Variants in IMPG1 observed in about 807,000 individuals in gnomAD.
IMPG1 encodes interphotoreceptor matrix proteoglycan 1.
In IMPG1, 85 loss-of-function variants were observed where a neutral mutation model predicts 92.0. The ratio of observed to expected loss-of-function variants is 0.92; its 90% confidence interval spans 0.78 to 1.11. The LOEUF (loss-of-function observed/expected upper bound fraction) is 1.11, where lower values mean the gene tolerates loss of function less well. IMPG1 is among the 50% of genes least tolerant of loss of function. The pLI is 0.00. For synonymous variants in IMPG1, 367 were observed against 334.1 expected (o/e 1.10, Z -1.08); for missense variants, 1,022 against 956.0 (o/e 1.07, Z -0.91).
At chr6:76,018,989 C>A (rs1783366613) in intron 6 of IMPG1, 131 bp from the exon 7 acceptor site, 1 of 806,034 alleles carries the variant, frequency 1.2e-6, no homozygotes, top group Non-Finnish European at 1.8e-6. Flanking sequence ...AATCAAAATC[C>A]TTTTAACTAG....
chr6:76,005,981 G>A (rs952590475), intron 9 of IMPG1, among the ~76,000 whole-genome samples: 2 of 152,036 alleles, frequency 1.3e-5, no homozygotes, highest in Non-Finnish European at 2.9e-5. Flanking sequence ...GGGAACACAG[G>A]AAGGAAGTGG....
chr6:76,047,103 C>T (rs1391516235), intron 1 of IMPG1, among the ~76,000 whole-genome samples: 2 of 152,168 alleles, frequency 1.3e-5, no homozygotes, highest in African/African-American at 2.4e-5. Flanking sequence ...TAGCTTAGCT[C>T]TTATTCCCAC....
intron 14 of IMPG1, among the ~76,000 whole-genome samples, chr6:75,939,861 A>G (rs1270106463): frequency 6.6e-6 from 1 of 152,194 alleles, no homozygotes; most frequent in African/African-American, 2.4e-5. Flanking sequence ...GTAAGACAAG[A>G]GGTAGACAGC....
At chr6:75,926,043 G>A (rs143870701) in intron 15 of IMPG1, among the ~76,000 whole-genome samples, 37 of 152,194 alleles carry the variant, frequency 2.4e-4, no homozygotes, top group African/African-American at 7.7e-4. Flanking sequence ...CAGCATTTTC[G>A]GTTCCTATTT....
Position 75,999,919 on chromosome 6 carries a change from C to T in IMPG1, c.1291+2999G>A, listed in dbSNP as rs73466847. 8.6e-3 allele frequency among the ~76,000 whole-genome samples: 1,316 copies of T among 152,350 alleles called. 25 individuals carry two copies. Among genetic ancestry groups the T allele is most frequent in the African/African-American group, 0.03 (1,248 of 41,584 alleles). ...CAGCACCTAGCCCCTCCTGGAACTT[C>T]TGTAATGAACTTGGCTTTGGCATTC... On this transcript the variant is annotated intron_variant, in intron 12 of 16. Coordinates refer to ENST00000369950, the MANE Select transcript of IMPG1 (RefSeq NM_001563.4).
chr6:75,960,321 C>T (rs1160534532), intron 12 of IMPG1, among the ~76,000 whole-genome samples: 1 of 152,178 alleles, frequency 6.6e-6, no homozygotes, highest in Non-Finnish European at 1.5e-5. Flanking sequence ...ATTCGGCCAT[C>T]TTGCCAGCCG....
intron 1 of IMPG1, among the ~76,000 whole-genome samples, chr6:76,043,720 T>A (rs796468932): frequency 1.8e-4 from 28 of 152,282 alleles, no homozygotes; most frequent in African/African-American, 6.7e-4. Flanking sequence ...GATGGGTGCA[T>A]CTCAAACTGG....
At chr6:76,029,283 G>T (rs1399054819) in intron 4 of IMPG1, among the ~76,000 whole-genome samples, 1 of 152,224 alleles carries the variant, frequency 6.6e-6, no homozygotes, top group Admixed American at 6.5e-5. Context: ...GCATTAAAAG[G>T]TCTCACCTGA....
chr6:76,045,643 A>G (rs552256340), intron 1 of IMPG1, among the ~76,000 whole-genome samples: 11 of 152,234 alleles, frequency 7.2e-5, no homozygotes, highest in East Asian at 1.9e-4. Context: ...CTTGAGTCCA[A>G]GGATGACAGG....
At chr6:75,983,168 T>C (rs1466722352) in intron 12 of IMPG1, among the ~76,000 whole-genome samples, 1 of 151,482 alleles carries the variant, frequency 6.6e-6, no homozygotes, top group Admixed American at 6.6e-5. Flanking sequence ...AGGAGATATA[T>C]CCCTGGTGCA....
At chr6:75,957,589 C>T (rs1307904181) in intron 12 of IMPG1, among the ~76,000 whole-genome samples, 2 of 152,138 alleles carry the variant, frequency 1.3e-5, no homozygotes, top group Non-Finnish European at 2.9e-5. Flanking sequence ...TCTGGTTGCT[C>T]CTATGTTGGG....
Position 76,018,942 on chromosome 6 carries a change from T to C in IMPG1, c.667-84A>G, listed in dbSNP as rs911884662. 8 of 1,255,894 alleles carry C rather than the reference T, an allele frequency of 6.4e-6. No individual in the cohort carries two copies. The African/African-American group carries it at 9.2e-5, about 14-fold the overall frequency. 77.8% of individuals were successfully genotyped at this position (1,255,894 alleles called of 1,614,324 possible). ...TTTTAGATAATATATGTTGATACTGTCTCAAGAAGTGGATTATGAAGGCTT... is the reference window on the plus strand; with the variant it reads ...TTTTAGATAATATATGTTGATACTGCCTCAAGAAGTGGATTATGAAGGCTT... On this transcript the variant is annotated intron_variant, in intron 6 of 16. Transcript: ENST00000369950.
At chr6:76,005,014 T>C (rs1442590962) in intron 10 of IMPG1, among the ~76,000 whole-genome samples, 3 of 152,174 alleles carry the variant, frequency 2.0e-5, no homozygotes, top group African/African-American at 4.8e-5. Context: ...TGGGTTCTTT[T>C]CTCTGCCTTC....
intron 13 of IMPG1, 105 bp downstream of exon 13, chr6:75,950,457 T>C: frequency 1.9e-6 from 2 of 1,058,470 alleles, no homozygotes; most frequent in Non-Finnish European, 2.7e-6. Flanking sequence ...TGGCGGTTTG[T>C]TTCTACTAAC....
intron 5 of IMPG1, among the ~76,000 whole-genome samples, chr6:76,023,510 T>C (rs1369546803): frequency 6.6e-6 from 1 of 152,222 alleles, no homozygotes; most frequent in Admixed American, 6.5e-5. Flanking sequence ...GGGTTTGTCT[T>C]CGAGCACATT....
chr6:75,977,813 T>C (rs1318480661), intron 12 of IMPG1, among the ~76,000 whole-genome samples: 4 of 151,192 alleles, frequency 2.6e-5, no homozygotes, highest in Admixed American at 6.6e-5. Context: ...AGTGACTTCA[T>C]GGTACACTCA....
chr6:75,973,795 G>A (rs971977870), intron 12 of IMPG1, among the ~76,000 whole-genome samples: 11 of 152,168 alleles, frequency 7.2e-5, no homozygotes, highest in Admixed American at 5.2e-4. Flanking sequence ...TTAATTGAAA[G>A]CATGCCAAGT....
intron 12 of IMPG1, among the ~76,000 whole-genome samples, chr6:75,959,455 A>T (rs1261357409): frequency 1.3e-5 from 2 of 152,262 alleles, no homozygotes; most frequent in African/African-American, 4.8e-5. Flanking sequence ...AAGTCTGCTG[A>T]AGCTGCATCC....
chr6:75,940,305 C>G (rs1478006814), intron 14 of IMPG1, among the ~76,000 whole-genome samples: 1 of 152,204 alleles, frequency 6.6e-6, no homozygotes, highest in East Asian at 1.9e-4. Flanking sequence ...AGGCTAGAGT[C>G]AATCTATCTT....
Sources: allele counts gnomAD v4.1 joint callset (sites outside exome capture counted in the v4.1 genomes callset), GRCh38; gene constraint gnomAD v4.1.1; transcripts MANE v1.5; gene names NCBI Gene and HGNC (gene_info 2026-07-23, HGNC 2026-07-21).